SEPTIN3: variants seen among roughly 807,000 people sequenced by gnomAD.
SEPTIN3 encodes neuronal-specific septin-3.
SEPTIN3 carries 15 observed loss-of-function variants against 45.1 expected under a neutral mutation model. The ratio of observed to expected loss-of-function variants is 0.33; its 90% CI spans 0.22 to 0.51. SEPTIN3 has a LOEUF of 0.51. SEPTIN3 is among the 20% of genes least tolerant of loss of function. The pLI is 0.97. For missense variants in SEPTIN3, 289 were observed against 457.2 expected (o/e 0.63, Z 3.35); for synonymous variants, 148 against 164.8 (o/e 0.90, Z 0.78).
rs1012655768 is a variant in SEPTIN3 at position 41,995,539 on chromosome 22, CCTCTCCTGCGTGTCTCTGACATCT to C, written c.2505+829_2505+852del. ...CTTCCCTCATACATTGCTTTCTCTC[CCTCTCCTGCGTGTCTCTGACATCT>C]CTCACTTCCTTTTAGATGAATCTAC... On this transcript the variant is annotated intron_variant, in intron 11 of 11. Transcript: ENST00000644076. 133 of 985,468 alleles carry C rather than the reference CCTCTCCTGCGTGTCTCTGACATCT, an allele frequency of 1.3e-4. No individual in the cohort carries two copies. The African/African-American group carries it at 2.2e-3, about 16-fold the overall frequency. The allele number at this position is 985,468 out of a possible 1,614,324, so 61.0% of individuals were successfully genotyped here. A position where few individuals can be genotyped will look rare whatever the true frequency, so the allele number is the denominator to read the frequency against.
intron 2 of SEPTIN3, among the ~76,000 whole-genome samples, chr22:41,980,006 G>A (rs2078095396): frequency 6.6e-6 from 1 of 152,086 alleles, no homozygotes; most frequent in Non-Finnish European, 1.5e-5. Context: ...CCATGCTTGT[G>A]TAACTGGCAT....
In SEPTIN3 at chr22:41,994,791, TCA is replaced by T. The variant is rs369097567; in HGVS notation, c.2505+88_2505+89del. The T allele has an allele frequency of 6.2e-7, 1 of 1,611,710 alleles. No individual in the cohort carries two copies. Among genetic ancestry groups the T allele is most frequent in the Non-Finnish European group, 8.5e-7 (1 of 1,179,188 alleles). ...CTCTGTGTCATCACACATACCCACT[TCA>T]CACACACACATCCCAAATACCACCA... On this transcript the variant is annotated intron_variant, in intron 11 of 11. Coordinates refer to ENST00000644076, the MANE Select transcript of SEPTIN3 (RefSeq NM_001363845.2). The surrounding 1 kb of genome is among the most constrained non-coding windows in gnomAD (Gnocchi z 4.2).
rs757835412 is a variant in SEPTIN3, at chr22:41,991,596, T to C, written c.2187T>C (p.Asn729=). The C allele has an allele frequency of 1.2e-6, 2 of 1,613,932 alleles. No individual in the cohort carries two copies. The change falls in exon 8 of 12, where the codon AAT becomes AAC. Residue 729 remains asparagine, a synonymous_variant. Coordinates refer to ENST00000644076, the MANE Select transcript of SEPTIN3 (RefSeq NM_001363845.2). ...AGGTTCGCAAGGAGCTTGAAGTAAA[T>C]GGCATTGAATTCTACCCCCAGAAGG... The part of the protein sequence containing the change: ...KQRVRKELEV[N]GIEFYPQKEF...
At chr22:41,974,662 CA>C (rs532915714) in intron 2 of SEPTIN3, among the ~76,000 whole-genome samples, 3,189 of 73,044 alleles carry the variant, frequency 0.044, 107 homozygotes, top group African/African-American at 0.13. Context: ...GACTCCGTCT[CA>C]AAAAAAAAAA....
At chr22:41,992,621 T>C (rs764369592) in intron 8 of SEPTIN3, 43 bp from the exon 9 acceptor site, 13 of 1,340,680 alleles carry the variant, frequency 9.7e-6, no homozygotes, top group Non-Finnish European at 1.2e-5. Flanking sequence ...TGTTGGAGGA[T>C]GACGGTGCAC....
In SEPTIN3 at chr22:41,972,201, G is replaced by C; in HGVS notation, c.709G>C (p.Ala237Pro). 1 of 399,144 alleles carries C rather than the reference G, an allele frequency of 2.5e-6. No homozygotes were observed. Among genetic ancestry groups the C allele is most frequent in the Non-Finnish European group, 4.4e-6 (1 of 226,146 alleles). 24.7% of individuals were successfully genotyped at this position (399,144 alleles called of 1,614,324 possible). The change falls in exon 2 of 12, where the codon GCC becomes CCC. Residue 237 changes from alanine to proline, a missense_variant. Around this residue, in one of 3 missense-constraint regions of SEPTIN3, gnomAD observed 200 missense variants for 315.1 expected, o/e 0.63. Coordinates refer to ENST00000644076, the MANE Select transcript of SEPTIN3 (RefSeq NM_001363845.2). ...RASPGKGKPRARGIPRPRGRL... is the reference protein window; with the variant it reads ...RASPGKGKPRPRGIPRPRGRL... The stretch of plus-strand genomic sequence containing the variant: ...TTCTCCAGGAAAAGGCAAGCCCCGG[G>C]CCAGGGGGATCCCCAGACCCCGGGG...
In SEPTIN3 at chr22:41,973,414, T is replaced by C. The variant is rs374051641; in HGVS notation, c.1504+418T>C. On this transcript the variant is annotated intron_variant, in intron 2 of 11. Coordinates refer to ENST00000644076, the MANE Select transcript of SEPTIN3 (RefSeq NM_001363845.2). ...GCTCACGCCTGTAATCCCAGCACTTTGGGATCTGCCCAAGGCGGGCAGATC... is the reference window on the plus strand; with the variant it reads ...GCTCACGCCTGTAATCCCAGCACTTCGGGATCTGCCCAAGGCGGGCAGATC... Among the ~76,000 whole-genome samples, 394 of 150,032 alleles carry C rather than the reference T, an allele frequency of 2.6e-3. 1 individual carries two copies. The highest frequency in any genetic ancestry group is 9.2e-3 in the African/African-American group (372 of 40,634).
intron 2 of SEPTIN3, among the ~76,000 whole-genome samples, chr22:41,979,432 C>T (rs1052875050): frequency 6.6e-6 from 1 of 152,146 alleles, no homozygotes; most frequent in African/African-American, 2.4e-5. Flanking sequence ...AGGTTGAGAC[C>T]AAATGGGCTC....
At chr22:41,978,337 TAA>T (rs1361465772) in intron 2 of SEPTIN3, among the ~76,000 whole-genome samples, 1 of 152,206 alleles carries the variant, frequency 6.6e-6, no homozygotes, top group Admixed American at 6.5e-5. Context: ...CAGAGATCAA[TAA>T]GACACGGCCC....
At position 41,972,790 on chromosome 22, in the gene SEPTIN3, C is replaced by T. The variant is rs943664831; in HGVS notation, c.1298C>T (p.Thr433Ile). 5.0e-6 allele frequency: 2 copies of T among 399,052 alleles called. No individual in the cohort carries two copies. The highest frequency in any genetic ancestry group is 2.1e-5 in the African/African-American group (1 of 48,638). The allele number at this position is 399,052 out of a possible 1,614,324, so 24.7% of individuals were successfully genotyped here. ...GCTTTGGACACAAGCAGGATGGGCACAGCTGTGGGTTCAGTTGTGCCAGTA... is the reference window on the plus strand; with the variant it reads ...GCTTTGGACACAAGCAGGATGGGCATAGCTGTGGGTTCAGTTGTGCCAGTA... ...SLALDTSRMG[T>I]AVGSVVPVTP... The change falls in exon 2 of 12, where the codon ACA (threonine) becomes ATA (isoleucine). Residue 433 changes from threonine (T) to isoleucine (I), a missense_variant. By Grantham distance (89) the Thr-to-Ile change is moderately conservative. Coordinates refer to ENST00000644076, the MANE Select transcript of SEPTIN3 (RefSeq NM_001363845.2).
intron 3 of SEPTIN3, among the ~76,000 whole-genome samples, chr22:41,985,142 G>A (rs1036123485): frequency 6.6e-6 from 1 of 152,228 alleles, no homozygotes; most frequent in South Asian, 2.1e-4. Context: ...ACAGGTGTGA[G>A]CCACGGCAAA....
intron 8 of SEPTIN3, 70 bp from the exon 9 acceptor site, chr22:41,992,594 C>A: frequency 1.0e-6 from 1 of 982,866 alleles, no homozygotes; most frequent in Non-Finnish European, 1.5e-6. Flanking sequence ...TGCCATCCTG[C>A]TCCTGAAAGT....
intron 2 of SEPTIN3, among the ~76,000 whole-genome samples, chr22:41,979,690 G>A (rs1447409762): frequency 6.6e-6 from 1 of 152,240 alleles, no homozygotes; most frequent in African/African-American, 2.4e-5. Context: ...CAGGCCCTGG[G>A]GAGGTCCTGA....
intron 2 of SEPTIN3, among the ~76,000 whole-genome samples, chr22:41,978,154 A>G (rs1490387386): frequency 6.6e-6 from 1 of 152,174 alleles, no homozygotes; most frequent in Non-Finnish European, 1.5e-5. Context: ...ACTGTGGCGG[A>G]GACAACAGCC....
chr22:41,986,534 T>G (rs764583251), intron 4 of SEPTIN3, among the ~76,000 whole-genome samples: 4 of 151,796 alleles, frequency 2.6e-5, no homozygotes, highest in Non-Finnish European at 5.9e-5. Context: ...GAGTCTTGCT[T>G]TGTCGCCCAG....
intron 2 of SEPTIN3, among the ~76,000 whole-genome samples, chr22:41,981,142 C>A (rs539686213): frequency 6.6e-6 from 1 of 152,192 alleles, no homozygotes; most frequent in African/African-American, 2.4e-5. Flanking sequence ...CAACCCCAGA[C>A]ATTTCTTAGA....
At chr22:41,990,374 G>A (rs922644032) in intron 7 of SEPTIN3, among the ~76,000 whole-genome samples, 1 of 151,804 alleles carries the variant, frequency 6.6e-6, no homozygotes, top group African/African-American at 2.4e-5. Flanking sequence ...TGTTCTATAA[G>A]CTCAGCCCTG....
Position 41,994,287 on chromosome 22 carries a change from T to C in SEPTIN3, c.2360-3T>C. The C allele has an allele frequency of 1.2e-6, 2 of 1,613,914 alleles. No individual in the cohort carries two copies. The highest frequency in any genetic ancestry group is 1.1e-5 in the South Asian group (1 of 91,092). The stretch of plus-strand genomic sequence containing the variant: ...GTTTTGCTTTGTTTTGTTTTGTTCA[T>C]AGTGGAAAACCTCAACCACTGTGAG... On this transcript the variant is annotated splice_polypyrimidine_tract_variant and splice_region_variant and intron_variant, in intron 9 of 11. Coordinates refer to ENST00000644076, the MANE Select transcript of SEPTIN3 (RefSeq NM_001363845.2). This position sits in a 1 kb window ranked among gnomAD's most constrained non-coding sequence, Gnocchi z 4.2.
chr22:41,982,102 G>T, intron 3 of SEPTIN3: 2 of 467,420 alleles, frequency 4.3e-6, no homozygotes, highest in Non-Finnish European at 7.7e-6. Context: ...CTCTGATCCT[G>T]CTTTTGGGTT....
Sources: allele counts gnomAD v4.1 joint callset (sites outside exome capture counted in the v4.1 genomes callset), GRCh38; gene constraint gnomAD v4.1.1; regional missense constraint gnomAD v4.1.1; non-coding constraint Gnocchi (gnomAD v3.1); transcripts MANE v1.5; gene names NCBI Gene and HGNC (gene_info 2026-07-23, HGNC 2026-07-21).